The following PIGN variants were observed in gnomAD, a reference collection of about 807,000 sequenced individuals.
The protein encoded by PIGN is phosphatidylinositol glycan anchor biosynthesis class N.
Under a neutral mutation model 125.4 loss-of-function variants are expected in PIGN, and 117 were observed. That is an observed-to-expected ratio of 0.93 (90% CI 0.80 to 1.09). The LOEUF (loss-of-function observed/expected upper bound fraction) is 1.09. Among genes scored for constraint, PIGN ranks in the 50% least tolerant of loss-of-function variants. PIGN has a pLI of 0.00. For synonymous variants in PIGN, 392 were observed against 377.8 expected (o/e 1.04, Z -0.44); for missense variants, 1,075 against 1,094.9 (o/e 0.98, Z 0.26).
rs1489521875 is a variant in PIGN, at chr18:62,145,786, A to G, written c.922+123T>C. The G allele has an allele frequency of 1.3e-5, 8 of 604,410 alleles. No homozygotes were observed. In the East Asian group the frequency reaches 2.3e-4, roughly 18 times the overall value. 37.4% of individuals were successfully genotyped at this position (604,410 alleles called of 1,614,324 possible). On this transcript the variant is annotated intron_variant, in intron 10 of 30. Transcript: ENST00000640252. ...CTTGTAGTGTTTGTATAGAAATAGT[A>G]ATGGCACAAATGTCAAAATGAGGGA...
intron 10 of PIGN, 54 bp downstream of exon 10, chr18:62,145,855 T>C (rs1236415440): frequency 4.6e-6 from 4 of 877,336 alleles, no homozygotes; most frequent in African/African-American, 1.7e-5. Flanking sequence ...AAATTTAAAC[T>C]TTGTTCTTAT....
intron 1 of PIGN, among the ~76,000 whole-genome samples, chr18:62,166,724 T>TA (rs1202582391): frequency 6.6e-6 from 1 of 152,016 alleles, no homozygotes; most frequent in Non-Finnish European, 1.5e-5. Flanking sequence ...TATGCAGCCA[T>TA]AAAAAAGAAT....
In PIGN at chr18:62,042,461, G is replaced by A. The variant is rs2030415357; in HGVS notation, c.*3395C>T. The A allele has an allele frequency of 6.6e-6, 1 of 152,208 alleles. No homozygotes were observed. Among genetic ancestry groups the A allele is most frequent in the Non-Finnish European group, 1.5e-5 (1 of 68,042 alleles). 9.4% of individuals were successfully genotyped at this position (152,208 alleles called of 1,614,324 possible). ...AATGCTGCAGTTCTGAAGGTAGAAA[G>A]TTGAGCAGTAACTGTAACCCGTTTT... On this transcript the variant is annotated 3_prime_UTR_variant, in exon 31 of 31. Coordinates refer to ENST00000640252, the MANE Select transcript of PIGN (RefSeq NM_176787.5).
At chr18:62,070,973 T>C (rs545428338) in intron 30 of PIGN, among the ~76,000 whole-genome samples, 8 of 148,950 alleles carry the variant, frequency 5.4e-5, no homozygotes, top group Non-Finnish European at 8.9e-5. Flanking sequence ...ACTCGGGTAA[T>C]TTTTTTTTTG....
At chr18:62,050,074 C>T (rs111241433) in intron 30 of PIGN, among the ~76,000 whole-genome samples, 3 of 152,020 alleles carry the variant, frequency 2.0e-5, no homozygotes, top group African/African-American at 7.2e-5. Context: ...TGTTTTGGTA[C>T]CAGTATCATG....
intron 4 of PIGN, 83 bp from the exon 5 acceptor site, chr18:62,157,891 C>G: frequency 7.7e-7 from 1 of 1,294,748 alleles, no homozygotes; most frequent in South Asian, 1.6e-5. Flanking sequence ...AAGATTATTA[C>G]AGAAGGAATC....
In PIGN at chr18:62,042,623, T is replaced by C. The variant is rs887630450; in HGVS notation, c.*3233A>G. The C allele has an allele frequency of 1.1e-4, 16 of 151,944 alleles. No individual in the cohort carries two copies. Among genetic ancestry groups the C allele is most frequent in the Admixed American group, 9.8e-4 (15 of 15,236 alleles). 9.4% of individuals were successfully genotyped at this position (151,944 alleles called of 1,614,324 possible). ...TAGATTTTAGCCCTGTGAGGCCAAT[T>C]AAAGATAATTTTGATTATTAATGTT... On this transcript the variant is annotated 3_prime_UTR_variant, in exon 31 of 31. Transcript: ENST00000640252.
chr18:62,047,573 C>T (rs767087334), intron 30 of PIGN, among the ~76,000 whole-genome samples: 8 of 152,142 alleles, frequency 5.3e-5, no homozygotes, highest in African/African-American at 7.2e-5. Flanking sequence ...GGTGCCGTAA[C>T]GCTGGTCCCT....
At chr18:62,106,649 C>T in intron 19 of PIGN, 140 bp downstream of exon 19, 1 of 620,094 alleles carries the variant, frequency 1.6e-6, no homozygotes, top group South Asian at 2.2e-5. Context: ...TAATGTCAGT[C>T]CTCCTATCAA....
chr18:62,136,099 T>C (rs370805039), intron 14 of PIGN: 2 of 152,180 alleles, frequency 1.3e-5, no homozygotes, highest in East Asian at 1.9e-4. Flanking sequence ...TGAACATTTA[T>C]ATATTCCTCA....
intron 5 of PIGN, 66 bp downstream of exon 5, chr18:62,157,621 G>A: frequency 7.2e-7 from 1 of 1,390,868 alleles, no homozygotes; most frequent in Non-Finnish European, 1.0e-6. Context: ...ACATGATTAA[G>A]TGGTAAAGGA....
In PIGN at chr18:62,045,231, T is replaced by C. The variant is rs1480232473; in HGVS notation, c.*625A>G. 6.8e-6 allele frequency: 1 copy of C among 146,904 alleles called. No homozygotes were observed. 9.1% of individuals were successfully genotyped at this position (146,904 alleles called of 1,614,324 possible). ...AAATCCAGAAATGAAAAAAAAAAAG[T>C]GAAGGATAGACATGCATCACATGCA... On this transcript the variant is annotated 3_prime_UTR_variant, in exon 31 of 31. Transcript: ENST00000640252.
intron 11 of PIGN, among the ~76,000 whole-genome samples, chr18:62,142,767 A>T (rs182305426): frequency 6.6e-6 from 1 of 152,352 alleles, no homozygotes; most frequent in East Asian, 1.9e-4. Context: ...TCTGTGCTTC[A>T]TATTTACAGA....
chr18:62,022,379 T>C (rs2030063077), intron 23 of PIGN, among the ~76,000 whole-genome samples: 1 of 152,228 alleles, frequency 6.6e-6, no homozygotes, highest in African/African-American at 2.4e-5. Flanking sequence ...TAATTTTCAC[T>C]ATACCCTCAC....
intron 17 of PIGN, among the ~76,000 whole-genome samples, chr18:62,108,974 T>C (rs1008368564): frequency 6.6e-6 from 1 of 152,242 alleles, no homozygotes; most frequent in Non-Finnish European, 1.5e-5. Context: ...AATAAAATTA[T>C]GCATAGTGTC....
intron 1 of PIGN, among the ~76,000 whole-genome samples, chr18:62,180,155 T>G (rs139369805): frequency 0.044 from 6,678 of 152,294 alleles, 174 homozygotes; most frequent in Middle Eastern, 0.071. Context: ...GCAATTAGCC[T>G]TCTTTCCTTT....
At chr18:62,175,083 ATATC>A (rs367854429) in intron 1 of PIGN, among the ~76,000 whole-genome samples, 2 of 142,316 alleles carry the variant, frequency 1.4e-5, no homozygotes, top group African/African-American at 2.5e-5. Flanking sequence ...TATATTTAAT[ATATC>A]TAATATATAT....
At chr18:62,163,717 C>T (rs2037034833) in intron 1 of PIGN, 61 bp from the exon 2 acceptor site, 1 of 152,116 alleles carries the variant, frequency 6.6e-6, no homozygotes, top group South Asian at 2.1e-4. Flanking sequence ...CCATTTTAGA[C>T]ATTTTAAAGC....
chr18:62,098,367 C>G (rs1346014313), intron 22 of PIGN, among the ~76,000 whole-genome samples: 1 of 152,126 alleles, frequency 6.6e-6, no homozygotes, highest in Non-Finnish European at 1.5e-5. Context: ...GAAGGAATAA[C>G]ATTTCAATAT....
Sources: gnomAD v4.1 joint callset for allele counts (sites outside exome capture counted in the v4.1 genomes callset) on GRCh38, gnomAD v4.1.1 for gene constraint, MANE v1.5 for transcripts, NCBI Gene and HGNC (gene_info 2026-07-23, HGNC 2026-07-21) for gene names.